The following GCNT2 variants were observed in gnomAD, a reference collection of about 807,000 sequenced individuals.
GCNT2 encodes N-acetyllactosaminide beta-1,6-N-acetylglucosaminyl-transferase.
A neutral mutation model predicts 34.2 loss-of-function variants in GCNT2; 34 were observed. The observed-to-expected ratio is 1.00, with a 90% CI of 0.76 to 1.32. The LOEUF (loss-of-function observed/expected upper bound fraction) is 1.32, where lower values mean the gene tolerates loss of function less well. Ranked by LOEUF, GCNT2 falls within the 40% of genes most tolerant of loss-of-function variation. The pLI is 0.00. For missense variants in GCNT2, 584 were observed against 489.4 expected, an observed-to-expected ratio of 1.19 and a Z score of -1.82; for synonymous variants, 212 against 188.0, an observed-to-expected ratio of 1.13 and a Z score of -1.04.
At chr6:10,598,675 C>T (rs1435151279) in intron 3 of GCNT2, among the ~76,000 whole-genome samples, 2 of 152,176 alleles carry the variant, frequency 1.3e-5, no homozygotes, top group African/African-American at 2.4e-5. Flanking sequence ...CACATTTCCC[C>T]TTGTTTCCAA....
At chr6:10,539,772 G>C (rs557337242) in intron 3 of GCNT2, among the ~76,000 whole-genome samples, 2 of 152,294 alleles carry the variant, frequency 1.3e-5, no homozygotes, top group Admixed American at 6.5e-5. Flanking sequence ...AAAGCATAAG[G>C]TCTAATTTTT....
chr6:10,541,511 T>C (rs971840311), intron 3 of GCNT2, among the ~76,000 whole-genome samples: 4 of 152,228 alleles, frequency 2.6e-5, no homozygotes, highest in Admixed American at 2.6e-4. Flanking sequence ...TGATTTATAT[T>C]CCTTTGGATC....
At chr6:10,524,008 TGTG>T (rs1355660949) in intron 1 of GCNT2, among the ~76,000 whole-genome samples, 1 of 129,020 alleles carries the variant, frequency 7.8e-6, no homozygotes, top group Non-Finnish European at 1.6e-5. Flanking sequence ...GACTAAGAGG[TGTG>T]GTGATCTGGC....
intron 3 of GCNT2, among the ~76,000 whole-genome samples, chr6:10,542,048 C>G (rs774594569): frequency 6.6e-6 from 1 of 152,130 alleles, no homozygotes; most frequent in Non-Finnish European, 1.5e-5. Flanking sequence ...ATTCACCTTA[C>G]GTTGCTAGTA....
intron 3 of GCNT2, among the ~76,000 whole-genome samples, chr6:10,548,903 C>A (rs887231348): frequency 6.6e-6 from 1 of 152,120 alleles, no homozygotes; most frequent in Non-Finnish European, 1.5e-5. Context: ...GGATTACAGG[C>A]GCATGCCACC....
intron 3 of GCNT2, among the ~76,000 whole-genome samples, chr6:10,616,128 G>A (rs538049039): frequency 1.3e-5 from 2 of 152,274 alleles, no homozygotes; most frequent in Admixed American, 1.3e-4. Flanking sequence ...TTTTCCTTCT[G>A]GTGGGTTCGT....
chr6:10,528,798 G>C lies in GCNT2; in HGVS notation c.-114G>C. 1 of 843,192 alleles carries C rather than the reference G, an allele frequency of 1.2e-6. No individual in the cohort carries two copies. Among genetic ancestry groups the C allele is most frequent in the Non-Finnish European group, 2.0e-6 (1 of 493,204 alleles). 52.2% of individuals were successfully genotyped at this position (843,192 alleles called of 1,614,324 possible). On this transcript the variant is annotated 5_prime_UTR_variant, in exon 3 of 5. Transcript: ENST00000495262. ...GAAGGGACAGGGAACAGCCAGACGA[G>C]AGCTTCAGCCATCACGAGGATGATT... is the stretch of plus-strand genomic sequence containing the variant.
chr6:10,550,011 C>T (rs538472802), intron 3 of GCNT2, among the ~76,000 whole-genome samples: 1 of 152,094 alleles, frequency 6.6e-6, no homozygotes, highest in Non-Finnish European at 1.5e-5. Context: ...CATTTGAGTT[C>T]ATGTTTACTA....
rs1766384993 is a variant in GCNT2, at chr6:10,629,158, C to T, written c.*2551C>T. On this transcript the variant is annotated 3_prime_UTR_variant, in exon 5 of 5. Transcript: ENST00000495262. ...TACACTGGATGTTTCTCATGTAGAA[C>T]AAGAAATCTTTCTGGAATTGATGTT... The T allele has an allele frequency of 6.6e-6, 1 of 152,602 alleles. No homozygotes were observed. The highest frequency in any genetic ancestry group is 2.1e-4 in the South Asian group (1 of 4,830). 9.5% of individuals were successfully genotyped at this position (152,602 alleles called of 1,614,324 possible).
intron 3 of GCNT2, among the ~76,000 whole-genome samples, chr6:10,591,848 C>A (rs1209899409): frequency 6.6e-6 from 1 of 152,204 alleles, no homozygotes; most frequent in Admixed American, 6.5e-5. Flanking sequence ...CAGCTCTCAA[C>A]AACTGTAAAC....
chr6:10,577,821 G>A (rs1360194231), intron 3 of GCNT2, among the ~76,000 whole-genome samples: 3 of 152,058 alleles, frequency 2.0e-5, no homozygotes, highest in East Asian at 3.9e-4. Flanking sequence ...AATTACAGGC[G>A]TGAGCTGCTG....
intron 3 of GCNT2, among the ~76,000 whole-genome samples, chr6:10,587,676 T>C (rs919072581): frequency 6.6e-6 from 1 of 152,218 alleles, no homozygotes; most frequent in Admixed American, 6.5e-5. Flanking sequence ...GCGTCCAAGG[T>C]ATGCCAGGCA....
chr6:10,554,432 T>C (rs1056138889), intron 3 of GCNT2, among the ~76,000 whole-genome samples: 1 of 152,244 alleles, frequency 6.6e-6, no homozygotes, highest in Non-Finnish European at 1.5e-5. Context: ...ATGCTATTAA[T>C]GTCTGTCTCC....
chr6:10,554,535 G>C (rs963957587), intron 3 of GCNT2, among the ~76,000 whole-genome samples: 3 of 152,124 alleles, frequency 2.0e-5, no homozygotes, highest in Admixed American at 2.0e-4. Flanking sequence ...TATGTGCACC[G>C]AATGCTTTGT....
rs76912731 is a variant in GCNT2 at position 10,560,586 on chromosome 6, A to G, written c.925+30750A>G. Among the ~76,000 whole-genome samples, 3 of 152,338 alleles carry G rather than the reference A, an allele frequency of 2.0e-5. No homozygotes were observed. In the East Asian group the frequency reaches 5.8e-4, roughly 29 times the overall value. ...CCTGTGCAGGCATTTCAGGTTTCCC[A>G]AAACACCCCCAAGAGCAATGTGACC... On this transcript the variant is annotated intron_variant, in intron 3 of 4. Coordinates refer to ENST00000495262, the MANE Select transcript of GCNT2 (RefSeq NM_145649.5).
chr6:10,603,531 T>A (rs897082247), intron 3 of GCNT2, among the ~76,000 whole-genome samples: 3 of 152,198 alleles, frequency 2.0e-5, no homozygotes, highest in Non-Finnish European at 4.4e-5. Context: ...TTTTTATTTT[T>A]TTGAGACAGA....
chr6:10,626,452 G>A lies in GCNT2; in HGVS notation c.1054G>A (p.Gly352Arg), dbSNP rs369770528. 21 of 1,613,578 alleles carry A rather than the reference G, an allele frequency of 1.3e-5. No homozygotes were observed. In the Middle Eastern group the frequency reaches 4.9e-4, roughly 38 times the overall value. Residue 352 changes from glycine to arginine, a missense_variant, in exon 5 of 5, where the codon GGA (glycine) becomes AGA (arginine). Physicochemically the swap from Gly to Arg is moderately radical, Grantham distance 125. Coordinates refer to ENST00000495262, the MANE Select transcript of GCNT2 (RefSeq NM_145649.5). ...YVHGICIYGNGDLKWLVNSPS... is the reference protein window; with the variant it reads ...YVHGICIYGNRDLKWLVNSPS... ...ACATGGTATTTGTATCTATGGAAAC[G>A]GAGACTTAAAGTGGCTGGTTAATTC...
intron 3 of GCNT2, among the ~76,000 whole-genome samples, chr6:10,600,499 A>G (rs568501303): frequency 9.2e-5 from 14 of 152,170 alleles, no homozygotes; most frequent in Non-Finnish European, 2.1e-4. Context: ...GCCATCAAGA[A>G]CAATTCCGCC....
chr6:10,575,108 T>C (rs1478915367), intron 3 of GCNT2: 3 of 491,176 alleles, frequency 6.1e-6, no homozygotes, highest in Non-Finnish European at 1.1e-5. Flanking sequence ...CCTTGATGCC[T>C]GCAATGTCAC....
Sources: allele counts gnomAD v4.1 joint callset (sites outside exome capture counted in the v4.1 genomes callset), GRCh38; gene constraint gnomAD v4.1.1; transcripts MANE v1.5; gene names NCBI Gene and HGNC (gene_info 2026-07-23, HGNC 2026-07-21).